The following CNTNAP2 variants were observed in gnomAD, a reference collection of about 807,000 sequenced individuals.
CNTNAP2 encodes the protein contactin associated protein 2, also known as contactin-associated protein-like 2.
CNTNAP2 carries 98 observed loss-of-function variants against 155.2 expected under a neutral mutation model. The ratio of observed to expected loss-of-function variants is 0.63; its 90% CI spans 0.54 to 0.75. CNTNAP2 has a LOEUF of 0.75. Ranked by LOEUF, CNTNAP2 falls within the 30% of genes least tolerant of loss-of-function variation. CNTNAP2 has a pLI of 0.00. For missense variants in CNTNAP2, 1,727 were observed against 1,688.1 expected (o/e 1.02, Z -0.40); for synonymous variants, 651 against 631.2 (o/e 1.03, Z -0.47).
intron 13 of CNTNAP2, chr7:147,831,659 C>T (rs760882987): frequency 4.6e-5 from 7 of 152,196 alleles, no homozygotes; most frequent in Non-Finnish European, 1.0e-4. Context: ...ATATGTTTAA[C>T]ATACAGGAAG....
chr7:146,939,540 C>T (rs1797002131), intron 3 of CNTNAP2, among the ~76,000 whole-genome samples: 1 of 152,246 alleles, frequency 6.6e-6, no homozygotes, highest in South Asian at 2.1e-4. Context: ...ACTGCAATAG[C>T]TGTGGGAATG....
intron 8 of CNTNAP2, among the ~76,000 whole-genome samples, chr7:147,198,512 G>A (rs1338963228): frequency 1.3e-5 from 2 of 152,174 alleles, no homozygotes; most frequent in Non-Finnish European, 2.9e-5. Flanking sequence ...GATTACAGGT[G>A]TGAGCCACCG....
intron 20 of CNTNAP2, among the ~76,000 whole-genome samples, chr7:148,265,210 C>CT (rs1250870011): frequency 6.6e-6 from 1 of 152,168 alleles, no homozygotes; most frequent in African/African-American, 2.4e-5. Context: ...AGAGCTTTTG[C>CT]TCCAAAGAAA....
chr7:146,365,643 T>A (rs910870417), intron 1 of CNTNAP2, among the ~76,000 whole-genome samples: 1 of 152,234 alleles, frequency 6.6e-6, no homozygotes, highest in Non-Finnish European at 1.5e-5. Flanking sequence ...TTAGATTAGT[T>A]AAAATATTAG....
intron 21 of CNTNAP2, among the ~76,000 whole-genome samples, chr7:148,319,698 T>C (rs1381673639): frequency 1.3e-5 from 2 of 151,768 alleles, no homozygotes; most frequent in Non-Finnish European, 2.9e-5. Context: ...ATGCGAGGGA[T>C]CTAGGTTGCA....
chr7:146,931,059 T>C (rs1464019064), intron 3 of CNTNAP2, among the ~76,000 whole-genome samples: 40 of 152,106 alleles, frequency 2.6e-4, no homozygotes, highest in African/African-American at 7.7e-4. Flanking sequence ...TACCCAGGAA[T>C]TGAACTCAGC....
chr7:147,301,489 T>C (rs1226938019), intron 9 of CNTNAP2, among the ~76,000 whole-genome samples: 1 of 152,134 alleles, frequency 6.6e-6, no homozygotes, highest in Admixed American at 6.6e-5. Context: ...AGCTTTAAAA[T>C]CTGTATGTTA....
chr7:146,430,357 A>T (rs1366332312), intron 1 of CNTNAP2, among the ~76,000 whole-genome samples: 1 of 152,036 alleles, frequency 6.6e-6, no homozygotes, highest in Non-Finnish European at 1.5e-5. Flanking sequence ...TTTTTCTGGA[A>T]CTGGAGTATC....
intron 1 of CNTNAP2, among the ~76,000 whole-genome samples, chr7:146,200,150 C>G (rs1379311103): frequency 6.6e-6 from 1 of 152,170 alleles, no homozygotes; most frequent in African/African-American, 2.4e-5. Context: ...AGGTGCTTCA[C>G]AACAATGTTT....
At chr7:147,038,668 C>T (rs1799204171) in intron 3 of CNTNAP2, among the ~76,000 whole-genome samples, 1 of 152,172 alleles carries the variant, frequency 6.6e-6, no homozygotes, top group Non-Finnish European at 1.5e-5. Context: ...TCCTGCTGTT[C>T]TTCCACACCA....
chr7:146,309,167 T>C (rs1463747824), intron 1 of CNTNAP2, among the ~76,000 whole-genome samples: 1 of 152,196 alleles, frequency 6.6e-6, no homozygotes, highest in Non-Finnish European at 1.5e-5. Flanking sequence ...TTTTAGGATG[T>C]TTCCATTGAC....
chr7:146,562,340 A>T (rs1015145797), intron 1 of CNTNAP2, among the ~76,000 whole-genome samples: 3 of 152,092 alleles, frequency 2.0e-5, no homozygotes, highest in African/African-American at 7.2e-5. Flanking sequence ...ATGTTTTAAA[A>T]ATAAGATTCT....
intron 1 of CNTNAP2, among the ~76,000 whole-genome samples, chr7:146,397,871 C>CTTTTTTTTTTTTTTTTTTTTTTTTT (rs1438446898): frequency 1.6e-5 from 2 of 126,908 alleles, no homozygotes; most frequent in African/African-American, 3.4e-5. Flanking sequence ...ATTTGACAGG[C>CTTTTTTTTTTTTTTTTTTTTTTTTT]TTTTATTTAT....
chr7:146,292,471 C>T (rs1041990551), intron 1 of CNTNAP2, among the ~76,000 whole-genome samples: 1 of 151,990 alleles, frequency 6.6e-6, no homozygotes, highest in African/African-American at 2.4e-5. Context: ...CAAAAAGAAA[C>T]AAGAGAACAA....
At chr7:147,838,963 T>C (rs373318792) in intron 13 of CNTNAP2, among the ~76,000 whole-genome samples, 65 of 152,284 alleles carry the variant, frequency 4.3e-4, no homozygotes, top group Middle Eastern at 3.4e-3. Flanking sequence ...ATTAAGAGTA[T>C]TGACTCACAT....
intron 8 of CNTNAP2, among the ~76,000 whole-genome samples, chr7:147,247,814 A>C (rs1292837484): frequency 6.6e-6 from 1 of 152,200 alleles, no homozygotes; most frequent in African/African-American, 2.4e-5. Flanking sequence ...GGTCTGTTTC[A>C]TTCTTATTTC....
rs113124547 is a variant in CNTNAP2 at position 147,046,610 on chromosome 7, C to T, written c.550+2556C>T. 3.7e-3 allele frequency among the ~76,000 whole-genome samples: 560 copies of T among 152,160 alleles called. 8 individuals carry two copies. Among genetic ancestry groups the T allele is most frequent in the Middle Eastern group, 0.014 (4 of 294 alleles). On this transcript the variant is annotated intron_variant, in intron 4 of 23. Transcript: ENST00000361727. ...ACTTGGGGGGGTAATAACAAACTAG[C>T]ATATATGTGTGTTCACCTTTGGCCA...
intron 12 of CNTNAP2, among the ~76,000 whole-genome samples, chr7:147,575,109 G>GTA (rs1563004268): frequency 0.35 from 28,135 of 81,260 alleles, 3,747 homozygotes; most frequent in Admixed American, 0.43. Flanking sequence ...TGTGGGAAAT[G>GTA]TGTGTGTGTG....
chr7:147,883,820 T>C (rs1799562834), intron 13 of CNTNAP2, among the ~76,000 whole-genome samples: 1 of 152,216 alleles, frequency 6.6e-6, no homozygotes, highest in Admixed American at 6.5e-5. Flanking sequence ...AATTCGTGCA[T>C]CTGAAAAATG....
Sources: gnomAD v4.1 joint callset for allele counts (sites outside exome capture counted in the v4.1 genomes callset) on GRCh38, gnomAD v4.1.1 for gene constraint, MANE v1.5 for transcripts, NCBI Gene and HGNC (gene_info 2026-07-23, HGNC 2026-07-21) for gene names.